SGCZ: variants seen among roughly 807,000 people sequenced by gnomAD.
The protein encoded by SGCZ is zeta-sarcoglycan.
Under a neutral mutation model 41.3 loss-of-function variants are expected in SGCZ, and 40 were observed. That is an observed-to-expected ratio of 0.97 (90% CI 0.75 to 1.26). The LOEUF (loss-of-function observed/expected upper bound fraction) is 1.26, where lower values mean the gene tolerates loss of function less well. Ranked by LOEUF, SGCZ falls within the 50% of genes most tolerant of loss-of-function variation. The pLI is 0.00. For synonymous variants in SGCZ, 206 were observed against 137.5 expected, an observed-to-expected ratio of 1.50 and a Z score of -3.49; for missense variants, 552 against 369.8, an observed-to-expected ratio of 1.49 and a Z score of -4.04.
At chr8:14,231,379 A>G (rs1308061697) in intron 4 of SGCZ, among the ~76,000 whole-genome samples, 2 of 151,974 alleles carry the variant, frequency 1.3e-5, no homozygotes, top group South Asian at 2.1e-4. Flanking sequence ...AAGGAATTTC[A>G]TCAATATCAA....
At chr8:15,210,293 A>G (rs961325564) in intron 1 of SGCZ, among the ~76,000 whole-genome samples, 2 of 152,124 alleles carry the variant, frequency 1.3e-5, no homozygotes, top group African/African-American at 4.8e-5. Flanking sequence ...ATTTTCAGCC[A>G]AAAACACTGT....
At chr8:15,058,089 C>T (rs892975628) in intron 1 of SGCZ, among the ~76,000 whole-genome samples, 1 of 152,038 alleles carries the variant, frequency 6.6e-6, no homozygotes. Flanking sequence ...ATTAATTTCA[C>T]GAGGGTGGTC....
chr8:15,186,195 G>C (rs113243891), intron 1 of SGCZ, among the ~76,000 whole-genome samples: 9,482 of 146,830 alleles, frequency 0.065, 332 homozygotes, highest in Non-Finnish European at 0.07. Context: ...CCGGGAGGCG[G>C]AGCTTGCAGT....
chr8:14,466,820 T>C (rs987390686), intron 2 of SGCZ, among the ~76,000 whole-genome samples: 3 of 151,854 alleles, frequency 2.0e-5, no homozygotes, highest in African/African-American at 7.2e-5. Context: ...GGTTTCTATA[T>C]TTTATTAATA....
At chr8:14,350,648 G>T (rs1158909085) in intron 2 of SGCZ, among the ~76,000 whole-genome samples, 1 of 151,982 alleles carries the variant, frequency 6.6e-6, no homozygotes, top group Admixed American at 6.6e-5. Flanking sequence ...CTGCTCCATG[G>T]CTCCCTGTGG....
chr8:15,109,634 T>C (rs1806970338), intron 1 of SGCZ, among the ~76,000 whole-genome samples: 1 of 152,142 alleles, frequency 6.6e-6, no homozygotes, highest in South Asian at 2.1e-4. Context: ...TAAACTTGAT[T>C]CAGGAAAACA....
At chr8:14,285,926 A>G (rs1251142236) in intron 3 of SGCZ, among the ~76,000 whole-genome samples, 3 of 152,254 alleles carry the variant, frequency 2.0e-5, no homozygotes, top group Non-Finnish European at 4.4e-5. Flanking sequence ...TTAGAATACA[A>G]CATTCGCTGT....
chr8:14,217,300 A>T (rs943171594), intron 4 of SGCZ, among the ~76,000 whole-genome samples: 7 of 149,628 alleles, frequency 4.7e-5, no homozygotes, highest in Non-Finnish European at 8.9e-5. Context: ...CATCTCAAAA[A>T]AAAAAAAAAA....
At chr8:15,093,568 A>G (rs1806227659) in intron 1 of SGCZ, among the ~76,000 whole-genome samples, 1 of 152,212 alleles carries the variant, frequency 6.6e-6, no homozygotes, top group Admixed American at 6.5e-5. Flanking sequence ...AAACAAAGTC[A>G]TGTAGTGTAA....
chr8:14,152,799 A>C (rs1803751599), intron 5 of SGCZ, among the ~76,000 whole-genome samples: 1 of 152,218 alleles, frequency 6.6e-6, no homozygotes, highest in African/African-American at 2.4e-5. Flanking sequence ...TGGATGAATA[A>C]TTAAATAAAC....
At chr8:15,007,825 G>C (rs1447777708) in intron 1 of SGCZ, among the ~76,000 whole-genome samples, 1 of 152,066 alleles carries the variant, frequency 6.6e-6, no homozygotes, top group East Asian at 1.9e-4. Flanking sequence ...ATTACCTTGA[G>C]GAGATAAAAT....
intron 1 of SGCZ, among the ~76,000 whole-genome samples, chr8:14,886,020 T>A (rs1239913990): frequency 1.8e-5 from 2 of 113,758 alleles, no homozygotes; most frequent in Non-Finnish European, 3.9e-5. Flanking sequence ...TATATATATA[T>A]ATATATATAT....
chr8:15,163,583 A>C (rs1474738988), intron 1 of SGCZ, among the ~76,000 whole-genome samples: 2 of 152,210 alleles, frequency 1.3e-5, no homozygotes, highest in African/African-American at 4.8e-5. Flanking sequence ...CTATTTCTTA[A>C]AGAAAAAGTC....
At chr8:15,174,301 T>C (rs564464243) in intron 1 of SGCZ, among the ~76,000 whole-genome samples, 127 of 152,340 alleles carry the variant, frequency 8.3e-4, no homozygotes, top group African/African-American at 2.9e-3. Context: ...ACAGCTTATG[T>C]ACCAATTATT....
At chr8:15,214,172 G>A (rs142938280) in intron 1 of SGCZ, among the ~76,000 whole-genome samples, 2 of 151,778 alleles carry the variant, frequency 1.3e-5, no homozygotes, top group South Asian at 2.1e-4. Flanking sequence ...ACCAAAAGTG[G>A]CATTGAAATA....
chr8:14,333,586 A>G (rs1157262669), intron 2 of SGCZ, among the ~76,000 whole-genome samples: 2 of 152,120 alleles, frequency 1.3e-5, no homozygotes, highest in Non-Finnish European at 2.9e-5. Context: ...CTACTCAGAT[A>G]TTCATAGTAC....
intron 5 of SGCZ, among the ~76,000 whole-genome samples, chr8:14,117,675 G>A (rs1341133481): frequency 1.3e-5 from 2 of 151,492 alleles, no homozygotes; most frequent in Non-Finnish European, 1.5e-5. Context: ...ATAGTGGTTT[G>A]CTGCACCCAT....
intron 1 of SGCZ, among the ~76,000 whole-genome samples, chr8:14,799,084 T>A (rs1177030045): frequency 6.6e-6 from 1 of 151,914 alleles, no homozygotes; most frequent in African/African-American, 2.4e-5. Context: ...TATGTAAATA[T>A]TAAATTAATT....
intron 2 of SGCZ, among the ~76,000 whole-genome samples, chr8:14,467,092 G>C (rs956367865): frequency 2.6e-5 from 4 of 151,340 alleles, no homozygotes; most frequent in Non-Finnish European, 4.4e-5. Context: ...AATTCTTATA[G>C]ACTCTTCCCT....
Sources: allele counts gnomAD v4.1 joint callset (sites outside exome capture counted in the v4.1 genomes callset), GRCh38; gene constraint gnomAD v4.1.1; transcripts MANE v1.5; gene names NCBI Gene and HGNC (gene_info 2026-07-23, HGNC 2026-07-21).